Variants in MAPKAPK2 observed in about 807,000 individuals in gnomAD.
The protein encoded by MAPKAPK2 is MAP kinase-activated protein kinase 2.
Under a neutral mutation model 48.8 loss-of-function variants are expected in MAPKAPK2, and 9 were observed. The observed-to-expected ratio is 0.18, with a 90% CI of 0.11 to 0.32. The LOEUF is 0.32. Ranked by LOEUF, MAPKAPK2 falls within the 10% of genes least tolerant of loss-of-function variation. The pLI is 1.00. For missense variants in MAPKAPK2, 331 were observed against 498.3 expected (o/e 0.66, Z 3.20); for synonymous variants, 202 against 190.6 (o/e 1.06, Z -0.49).
At chr1:206,705,192 G>A (rs376407242) in intron 1 of MAPKAPK2, among the ~76,000 whole-genome samples, 76 of 152,190 alleles carry the variant, frequency 5.0e-4, no homozygotes, top group African/African-American at 1.7e-3. Flanking sequence ...GGAGAGGTTT[G>A]AAAAAGGTGT....
intron 1 of MAPKAPK2, among the ~76,000 whole-genome samples, chr1:206,694,507 C>T (rs1439430480): frequency 6.6e-6 from 1 of 152,228 alleles, no homozygotes; most frequent in Admixed American, 6.5e-5. Context: ...GCCATACCCT[C>T]TGTCTTTCCC....
At chr1:206,728,976 C>T (rs1352634889) in intron 2 of MAPKAPK2, 59 bp from the exon 3 acceptor site, 1 of 1,609,244 alleles carries the variant, frequency 6.2e-7, no homozygotes, top group Non-Finnish European at 8.5e-7. Context: ...TTTTGGGGGG[C>T]AGTGGAGAGT....
intron 1 of MAPKAPK2, among the ~76,000 whole-genome samples, chr1:206,717,392 C>T (rs1034658067): frequency 6.6e-6 from 1 of 152,120 alleles, no homozygotes; most frequent in East Asian, 1.9e-4. Context: ...CTTTCAGTGC[C>T]ATTTGCTGGA....
chr1:206,708,031 A>G (rs1335078397), intron 1 of MAPKAPK2, among the ~76,000 whole-genome samples: 4 of 152,250 alleles, frequency 2.6e-5, no homozygotes, highest in African/African-American at 4.8e-5. Context: ...CCTACATTGT[A>G]CATTGATCCC....
chr1:206,729,578 C>G (rs1210839847), intron 4 of MAPKAPK2, 103 bp downstream of exon 4: 1 of 1,004,008 alleles, frequency 1.0e-6, no homozygotes, highest in African/African-American at 1.6e-5. Flanking sequence ...TCCTTGCTGC[C>G]TGGTTCCTGA....
chr1:206,686,582 T>A (rs1553425629), intron 1 of MAPKAPK2, among the ~76,000 whole-genome samples: 1 of 152,100 alleles, frequency 6.6e-6, no homozygotes, highest in Non-Finnish European at 1.5e-5. Context: ...CCCTGGGGTG[T>A]CTCAATGATT....
chr1:206,732,474 C>T lies in MAPKAPK2; in HGVS notation c.1060-101C>T. The T allele has an allele frequency of 6.4e-7, 1 of 1,551,412 alleles. No homozygotes were observed. The highest frequency in any genetic ancestry group is 2.3e-5 in the East Asian group (1 of 43,984). On this transcript the variant is annotated intron_variant, in intron 9 of 9. Transcript: ENST00000367103. The surrounding 1 kb of genome is among the most constrained non-coding windows in gnomAD (Gnocchi z 4.4). The stretch of plus-strand genomic sequence containing the variant: ...CTGCTCCCACCCCTGCCGCCCTCAC[C>T]CTGCCCTTGTTGTCTCTGTCTCTCA...
intron 1 of MAPKAPK2, among the ~76,000 whole-genome samples, chr1:206,689,123 T>C (rs1672375510): frequency 1.3e-5 from 2 of 152,256 alleles, no homozygotes; most frequent in Admixed American, 6.5e-5. Flanking sequence ...AGGTGAAGCA[T>C]GTTACTGCTT....
intron 1 of MAPKAPK2, among the ~76,000 whole-genome samples, chr1:206,725,030 GCTAGGAAGTGCAGAA>G (rs1673661431): frequency 6.6e-6 from 1 of 152,226 alleles, no homozygotes. Flanking sequence ...CATGACACAA[GCTAGGAAGTGCAGAA>G]CTGGGATTCA....
At chr1:206,714,075 C>T (rs532191359) in intron 1 of MAPKAPK2, among the ~76,000 whole-genome samples, 2 of 152,200 alleles carry the variant, frequency 1.3e-5, no homozygotes, top group Admixed American at 6.5e-5. Flanking sequence ...TACTGAGATC[C>T]GGGAGCAAAT....
chr1:206,691,504 T>TATATATATACAC (rs1424297313), intron 1 of MAPKAPK2, among the ~76,000 whole-genome samples: 9 of 112,120 alleles, frequency 8.0e-5, no homozygotes, highest in Non-Finnish European at 9.9e-5. Context: ...TATATATATA[T>TATATATATACAC]ACACACATAC....
At chr1:206,707,913 GTC>G (rs1174947667) in intron 1 of MAPKAPK2, among the ~76,000 whole-genome samples, 2 of 152,196 alleles carry the variant, frequency 1.3e-5, no homozygotes, top group South Asian at 2.1e-4. Context: ...CTGTAATTGT[GTC>G]TCTACATTCT....
chr1:206,717,578 C>T (rs1476817531), intron 1 of MAPKAPK2, among the ~76,000 whole-genome samples: 1 of 152,156 alleles, frequency 6.6e-6, no homozygotes, highest in African/African-American at 2.4e-5. Context: ...AGGGTTACAT[C>T]CTCTGGGAAG....
At position 206,733,791 on chromosome 1, in the gene MAPKAPK2, C is replaced by G. The variant is rs1223712829; in HGVS notation, c.*1073C>G. 1 of 152,840 alleles carries G rather than the reference C, an allele frequency of 6.5e-6. No homozygotes were observed. The highest frequency in any genetic ancestry group is 2.4e-5 in the African/African-American group (1 of 41,456). 9.5% of individuals were successfully genotyped at this position (152,840 alleles called of 1,614,324 possible). On this transcript the variant is annotated 3_prime_UTR_variant, in exon 10 of 10. Coordinates refer to ENST00000367103, the MANE Select transcript of MAPKAPK2 (RefSeq NM_032960.4). The stretch of plus-strand genomic sequence containing the variant: ...TCTGTTGGCAGAGCTTTTGCATTTC[C>G]TGTGTTTGTCCTGGGTTCTGGGGCA...
rs1673927166 is a variant in MAPKAPK2 at position 206,731,921 on chromosome 1, TGAGGGGCACCACTGGGTGA to T, written c.1059+10_1059+28del. ...AAGGAGCGGTGGGAGGATGTCAAGG[TGAGGGGCACCACTGGGTGA>T]GAGGGGCTCCAGGTGGGGTGGGCGG... On this transcript the variant is annotated splice_donor_5th_base_variant and intron_variant, in intron 9 of 9. Coordinates refer to ENST00000367103, the MANE Select transcript of MAPKAPK2 (RefSeq NM_032960.4). The surrounding 1 kb of genome is among the most constrained non-coding windows in gnomAD (Gnocchi z 5.9). The T allele has an allele frequency of 1.2e-6, 2 of 1,613,648 alleles. No individual in the cohort carries two copies. Among genetic ancestry groups the T allele is most frequent in the Non-Finnish European group, 1.7e-6 (2 of 1,179,902 alleles).
In MAPKAPK2 at chr1:206,731,617, C is replaced by A; in HGVS notation, c.893-23C>A. The A allele has an allele frequency of 6.3e-7, 1 of 1,593,760 alleles. No homozygotes were observed. The highest frequency in any genetic ancestry group is 8.6e-7 in the Non-Finnish European group (1 of 1,161,398). On this transcript the variant is annotated intron_variant, in intron 7 of 9. Transcript: ENST00000367103. The surrounding 1 kb of genome is among the most constrained non-coding windows in gnomAD (Gnocchi z 5.9). Reference sequence around the variant, plus strand: ...AGGGAGAGTGACCCCTGAGCTGTCACTGCCCCCTGTCCCACCCCACAGTGA... The same window carrying A: ...AGGGAGAGTGACCCCTGAGCTGTCAATGCCCCCTGTCCCACCCCACAGTGA...
In MAPKAPK2 at chr1:206,685,091, G is replaced by A. The variant is rs1672233764; in HGVS notation, c.-139G>A. 1 of 192,644 alleles carries A rather than the reference G, an allele frequency of 5.2e-6. No homozygotes were observed. The highest frequency in any genetic ancestry group is 2.4e-5 in the African/African-American group (1 of 41,916). The allele number at this position is 192,644 out of a possible 1,614,324, so 11.9% of individuals were successfully genotyped here. ...AGCCCCGCGACCCGCCGAGCCTGGA[G>A]CCGGGCCGGGTCGGGGAAGCCGGCT... is the stretch of plus-strand genomic sequence containing the variant. On this transcript the variant is annotated 5_prime_UTR_variant, in exon 1 of 10. Coordinates refer to ENST00000367103, the MANE Select transcript of MAPKAPK2 (RefSeq NM_032960.4).
chr1:206,706,736 A>T (rs1332801767), intron 1 of MAPKAPK2, among the ~76,000 whole-genome samples: 3 of 152,180 alleles, frequency 2.0e-5, no homozygotes, highest in African/African-American at 7.2e-5. Context: ...ATCGGTCATG[A>T]TGGAAATTTT....
intron 1 of MAPKAPK2, among the ~76,000 whole-genome samples, chr1:206,713,354 G>A (rs868909201): frequency 2.6e-5 from 4 of 152,232 alleles, no homozygotes; most frequent in Non-Finnish European, 2.9e-5. Context: ...AGGTCAGGAA[G>A]TGCATTGTAG....
Sources: allele counts gnomAD v4.1 joint callset (sites outside exome capture counted in the v4.1 genomes callset), GRCh38; gene constraint gnomAD v4.1.1; non-coding constraint Gnocchi (gnomAD v3.1); transcripts MANE v1.5; gene names NCBI Gene and HGNC (gene_info 2026-07-23, HGNC 2026-07-21).